FUT9: variants seen among roughly 807,000 people sequenced by gnomAD.
The protein encoded by FUT9 is 4-galactosyl-N-acetylglucosaminide 3-alpha-L-fucosyltransferase 9.
In FUT9, 15 loss-of-function variants were observed where a neutral mutation model predicts 29.7. That is an observed-to-expected ratio of 0.51 (90% CI 0.34 to 0.78). The LOEUF (loss-of-function observed/expected upper bound fraction) is 0.78, where lower values mean the gene tolerates loss of function less well. Among genes scored for constraint, FUT9 ranks in the 30% least tolerant of loss-of-function variants. The pLI is 0.01. For missense variants in FUT9, 319 were observed against 425.4 expected (o/e 0.75, Z 2.20); for synonymous variants, 169 against 153.7 (o/e 1.10, Z -0.74).
At chr6:96,120,700 T>C (rs968863852) in intron 2 of FUT9, among the ~76,000 whole-genome samples, 3 of 87,312 alleles carry the variant, frequency 3.4e-5, no homozygotes, top group Non-Finnish European at 7.2e-5. Flanking sequence ...CTAAACAAAA[T>C]AACATTAAGC....
At chr6:96,142,262 C>T in intron 2 of FUT9, among the ~76,000 whole-genome samples, 1 of 151,998 alleles carries the variant, frequency 6.6e-6, no homozygotes, top group East Asian at 1.9e-4. Context: ...ATAAGTGATA[C>T]TAAAGATAAG....
chr6:96,173,771 A>G (rs1259136936), intron 2 of FUT9, among the ~76,000 whole-genome samples: 1 of 23,082 alleles, frequency 4.3e-5, no homozygotes, highest in Non-Finnish European at 1.4e-3. Flanking sequence ...TAAAAATCAC[A>G]CAAATTTTTT....
At position 96,212,371 on chromosome 6, in the gene FUT9, A is replaced by G. The variant is rs762937929; in HGVS notation, c.*8136A>G. 82 of 412,468 alleles carry G rather than the reference A, an allele frequency of 2.0e-4. No homozygotes were observed. The highest frequency in any genetic ancestry group is 2.9e-4 in the Non-Finnish European group (66 of 225,430). The allele number at this position is 412,468 out of a possible 1,614,324, so 25.6% of individuals were successfully genotyped here. On this transcript the variant is annotated 3_prime_UTR_variant, in exon 3 of 3. Coordinates refer to ENST00000302103, the MANE Select transcript of FUT9 (RefSeq NM_006581.4). The stretch of plus-strand genomic sequence containing the variant: ...TCATTTACTGGTTTTCTGCCTCAAG[A>G]GTCCTTAAGCAAATGAAGATTATCT...
At position 96,207,228 on chromosome 6, in the gene FUT9, C is replaced by CGT. The variant is rs575055315; in HGVS notation, c.*2993_*2994insGT. 0.019 allele frequency: 2,110 copies of CGT among 108,464 alleles called. 25 individuals are homozygous for CGT. The highest frequency in any genetic ancestry group is 0.042 in the African/African-American group (1,442 of 34,534). The allele number at this position is 108,464 out of a possible 1,614,324, so 6.7% of individuals were successfully genotyped here. ...TATTCAAGACACACATTCACACACACATACACACACACACACACACACCCC... is the reference window on the plus strand; with the variant it reads ...TATTCAAGACACACATTCACACACACGTATACACACACACACACACACACCCC... On this transcript the variant is annotated 3_prime_UTR_variant, in exon 3 of 3. Transcript: ENST00000302103.
intron 2 of FUT9, among the ~76,000 whole-genome samples, chr6:96,170,840 A>C (rs1295768722): frequency 1.3e-5 from 2 of 152,222 alleles, no homozygotes; most frequent in African/African-American, 2.4e-5. Flanking sequence ...AGAAAATTCC[A>C]GTGATAAAAC....
intron 1 of FUT9, among the ~76,000 whole-genome samples, chr6:96,107,562 G>A (rs1366185455): frequency 2.6e-5 from 4 of 152,048 alleles, no homozygotes; most frequent in Admixed American, 6.6e-5. Flanking sequence ...TCCCTTCCCC[G>A]AAATACATGT....
intron 1 of FUT9, among the ~76,000 whole-genome samples, chr6:96,025,083 A>G (rs544826287): frequency 6.6e-6 from 1 of 151,846 alleles, no homozygotes; most frequent in South Asian, 2.1e-4. Flanking sequence ...TTCCATTGTG[A>G]GCCAAAATTC....
intron 1 of FUT9, among the ~76,000 whole-genome samples, chr6:96,061,126 T>A (rs1770866545): frequency 6.6e-6 from 1 of 151,234 alleles, no homozygotes; most frequent in South Asian, 2.1e-4. Context: ...GGAGAGAACT[T>A]ATAGTTTATT....
intron 1 of FUT9, among the ~76,000 whole-genome samples, chr6:96,043,042 A>G (rs1400544717): frequency 1.3e-5 from 2 of 152,116 alleles, no homozygotes; most frequent in Non-Finnish European, 2.9e-5. Flanking sequence ...TTTAGATTTG[A>G]TCAATTCACA....
At chr6:96,118,796 G>T (rs1771964067) in intron 2 of FUT9, among the ~76,000 whole-genome samples, 1 of 152,136 alleles carries the variant, frequency 6.6e-6, no homozygotes, top group Non-Finnish European at 1.5e-5. Flanking sequence ...GTAGAAGACA[G>T]TGATATTGAT....
At chr6:96,150,834 G>A (rs1459652717) in intron 2 of FUT9, among the ~76,000 whole-genome samples, 1 of 152,090 alleles carries the variant, frequency 6.6e-6, no homozygotes, top group African/African-American at 2.4e-5. Flanking sequence ...ATAATGAAAG[G>A]TTTATATCAT....
chr6:96,067,832 T>C (rs1177531258), intron 1 of FUT9, among the ~76,000 whole-genome samples: 1 of 152,150 alleles, frequency 6.6e-6, no homozygotes, highest in Non-Finnish European at 1.5e-5. Context: ...GGCAATTTCC[T>C]CAAATTTTGT....
At position 96,129,093 on chromosome 6, in the gene FUT9, T is replaced by C. The variant is rs1478185405; in HGVS notation, c.-9+14966T>C. Among the ~76,000 whole-genome samples, 5 of 103,758 alleles carry C rather than the reference T, an allele frequency of 4.8e-5. No homozygotes were observed. In the Admixed American group the frequency reaches 5.2e-4, roughly 11 times the overall value. 68.1% of individuals were successfully genotyped at this position (103,758 alleles called of 152,430 possible). On this transcript the variant is annotated intron_variant, in intron 2 of 2. Coordinates refer to ENST00000302103, the MANE Select transcript of FUT9 (RefSeq NM_006581.4). ...TAACACGGTGAAACCCTGTCTCTAC[T>C]AAAAATACAAAAAAAAAAAAAAATA...
At chr6:96,173,616 GA>G (rs1486602939) in intron 2 of FUT9, among the ~76,000 whole-genome samples, 1 of 151,736 alleles carries the variant, frequency 6.6e-6, no homozygotes, top group Non-Finnish European at 1.5e-5. Flanking sequence ...ACAAAAAAAA[GA>G]AAAAACTGGT....
chr6:96,088,786 T>G (rs997043057), intron 1 of FUT9, among the ~76,000 whole-genome samples: 6 of 133,592 alleles, frequency 4.5e-5, no homozygotes, highest in Admixed American at 7.0e-5. Flanking sequence ...ATCTAAGTAT[T>G]GCTTAACTGC....
intron 1 of FUT9, among the ~76,000 whole-genome samples, chr6:96,040,467 A>G (rs1770440101): frequency 6.6e-6 from 1 of 152,200 alleles, no homozygotes; most frequent in Admixed American, 6.5e-5. Context: ...GAAGTAGAAA[A>G]GGGAATGAAG....
At chr6:96,058,007 G>A (rs1165408710) in intron 1 of FUT9, among the ~76,000 whole-genome samples, 1 of 151,906 alleles carries the variant, frequency 6.6e-6, no homozygotes, top group African/African-American at 2.4e-5. Flanking sequence ...CATTTAAAAA[G>A]AAGACACATG....
chr6:96,134,662 A>T (rs562361977), intron 2 of FUT9, among the ~76,000 whole-genome samples: 5 of 151,996 alleles, frequency 3.3e-5, no homozygotes, highest in Middle Eastern at 3.4e-3. Context: ...AATCCCACGA[A>T]ACAGATACAT....
intron 1 of FUT9, among the ~76,000 whole-genome samples, chr6:96,074,437 A>G (rs1271429323): frequency 6.6e-6 from 1 of 152,172 alleles, no homozygotes; most frequent in African/African-American, 2.4e-5. Context: ...TTATTAATAT[A>G]TAGTTAGGAG....
Sources: allele counts gnomAD v4.1 joint callset (sites outside exome capture counted in the v4.1 genomes callset), GRCh38; gene constraint gnomAD v4.1.1; transcripts MANE v1.5; gene names NCBI Gene and HGNC (gene_info 2026-07-23, HGNC 2026-07-21).